The following ATP6V0A4 variants were observed in gnomAD, a reference collection of about 807,000 sequenced individuals.
ATP6V0A4 encodes the protein ATPase H+ transporting V0 subunit a4.
A neutral mutation model predicts 107.3 loss-of-function variants in ATP6V0A4; 86 were observed. That is an observed-to-expected ratio of 0.80 (90% CI 0.67 to 0.96). The LOEUF (loss-of-function observed/expected upper bound fraction) is 0.96, where lower values mean the gene tolerates loss of function less well. Among genes scored for constraint, ATP6V0A4 ranks in the 40% least tolerant of loss-of-function variants. ATP6V0A4 has a pLI of 0.00. For synonymous variants in ATP6V0A4, 353 were observed against 381.4 expected (o/e 0.93, Z 0.87); for missense variants, 908 against 1,045.6 (o/e 0.87, Z 1.81).
intron 5 of ATP6V0A4, among the ~76,000 whole-genome samples, chr7:138,764,350 C>T (rs185241572): frequency 5.3e-5 from 8 of 152,038 alleles, no homozygotes; most frequent in Non-Finnish European, 8.8e-5. Context: ...TTATACCTTA[C>T]ATGTTTTATA....
Position 138,773,030 on chromosome 7 carries a change from A to T in ATP6V0A4, c.-17-1766T>A, listed in dbSNP as rs1807474024. 6.6e-6 allele frequency among the ~76,000 whole-genome samples: 1 copy of T among 152,094 alleles called. No individual in the cohort carries two copies. Among genetic ancestry groups the T allele is most frequent in the Admixed American group, 6.6e-5 (1 of 15,264 alleles). ...CCGACGGCCCTACTGCTGCCAAATC[A>T]CACTTTTTCCCCCCAGGTCAACCTT... On this transcript the variant is annotated intron_variant, in intron 2 of 21. Coordinates refer to ENST00000310018, the MANE Select transcript of ATP6V0A4 (RefSeq NM_020632.3). This position sits in a 1 kb window ranked among gnomAD's most constrained non-coding sequence, Gnocchi z 5.4.
At chr7:138,779,092 G>C (rs1236353306) in intron 2 of ATP6V0A4, among the ~76,000 whole-genome samples, 1 of 152,174 alleles carries the variant, frequency 6.6e-6, no homozygotes, top group Non-Finnish European at 1.5e-5. Flanking sequence ...TATAATCCCA[G>C]CATTTTGGGA....
chr7:138,706,835 A>AAGGG, intron 21 of ATP6V0A4, 118 bp from the exon 22 acceptor site: 2 of 1,524,922 alleles, frequency 1.3e-6, no homozygotes, highest in Non-Finnish European at 1.8e-6. Context: ...ACAAAGTCAG[A>AAGGG]AGGGTTGGCC....
chr7:138,745,051 C>T (rs1805841118), intron 14 of ATP6V0A4, 72 bp downstream of exon 14: 2 of 1,406,468 alleles, frequency 1.4e-6, no homozygotes, highest in Admixed American at 1.7e-5. Flanking sequence ...TGTAGACTCC[C>T]CCAACCATGA....
chr7:138,743,912 A>T (rs939041824), intron 14 of ATP6V0A4, among the ~76,000 whole-genome samples: 3 of 152,144 alleles, frequency 2.0e-5, no homozygotes, highest in Admixed American at 6.5e-5. Context: ...TGTTCACTTC[A>T]CAGTCCCCTC....
At chr7:138,743,612 A>C (rs1805752188) in intron 14 of ATP6V0A4, among the ~76,000 whole-genome samples, 1 of 152,204 alleles carries the variant, frequency 6.6e-6, no homozygotes. Flanking sequence ...AGACCCGTGA[A>C]GTCCCTTCCT....
intron 14 of ATP6V0A4, among the ~76,000 whole-genome samples, chr7:138,744,461 C>T (rs1455669479): frequency 2.0e-5 from 3 of 152,062 alleles, no homozygotes; most frequent in Non-Finnish European, 2.9e-5. Context: ...TGGTCTCGAA[C>T]TCCTGAACTC....
chr7:138,762,623 A>G lies in ATP6V0A4; in HGVS notation c.418-189T>C, dbSNP rs368650034. The G allele has an allele frequency of 1.5e-4, 97 of 654,060 alleles. No individual in the cohort carries two copies. The East Asian group carries it at 6.9e-3, about 47-fold the overall frequency. 40.5% of individuals were successfully genotyped at this position (654,060 alleles called of 1,614,324 possible). A position where few individuals can be genotyped will look rare whatever the true frequency, so the allele number is the denominator to read the frequency against. ...CTGGTCTTTTCCTACCAAAACCCTA[A>G]AACTTCTCAAACCAACTGCTGTGCT... On this transcript the variant is annotated intron_variant, in intron 6 of 21. Transcript: ENST00000310018.
At chr7:138,746,521 T>A (rs1805958271) in intron 13 of ATP6V0A4, among the ~76,000 whole-genome samples, 1 of 151,726 alleles carries the variant, frequency 6.6e-6, no homozygotes, top group South Asian at 2.1e-4. Context: ...TTTTTTTTTT[T>A]AAGATGGAGT....
intron 5 of ATP6V0A4, among the ~76,000 whole-genome samples, chr7:138,767,857 T>TA (rs1460535054): frequency 6.6e-6 from 1 of 152,186 alleles, no homozygotes; most frequent in Non-Finnish European, 1.5e-5. Flanking sequence ...ATCTGCTCTA[T>TA]AAGCCCTTGG....
At chr7:138,780,388 G>A (rs1379637139) in intron 2 of ATP6V0A4, among the ~76,000 whole-genome samples, 3 of 152,168 alleles carry the variant, frequency 2.0e-5, no homozygotes, top group African/African-American at 4.8e-5. Flanking sequence ...AGGAGGTGGA[G>A]GCTCAGGTGG....
At chr7:138,731,388 G>T (rs1259210048) in intron 17 of ATP6V0A4, among the ~76,000 whole-genome samples, 1 of 152,178 alleles carries the variant, frequency 6.6e-6, no homozygotes, top group Non-Finnish European at 1.5e-5. Context: ...AGGGCAGCTG[G>T]CCTTGTGGAA....
chr7:138,715,839 T>A lies in ATP6V0A4; in HGVS notation c.2182A>T (p.Ile728Phe). ...DVFVHQAIHTIEYCLGCISNT... is the reference protein window; with the variant it reads ...DVFVHQAIHTFEYCLGCISNT... The stretch of plus-strand genomic sequence containing the variant: ...GAAATGCAGCCCAGGCAGTACTCGA[T>A]GGTGTGGATGGCTTGGTGGACAAAG... Residue 728 changes from isoleucine to phenylalanine, a missense_variant, in exon 20 of 22, where the codon ATC becomes TTC. Coordinates refer to ENST00000310018, the MANE Select transcript of ATP6V0A4 (RefSeq NM_020632.3). 1 of 1,613,704 alleles carries A rather than the reference T, an allele frequency of 6.2e-7. No homozygotes were observed. Among genetic ancestry groups the A allele is most frequent in the African/African-American group, 1.3e-5 (1 of 75,024 alleles).
rs146482568 is a variant in ATP6V0A4, at chr7:138,759,868, C to T, written c.523G>A (p.Gly175Ser). 7.4e-6 allele frequency: 12 copies of T among 1,614,030 alleles called. No individual in the cohort carries two copies. Among genetic ancestry groups the T allele is most frequent in the South Asian group, 4.4e-5 (4 of 91,076 alleles). ...YMTGKLGFIA[G>S]VINRERMASF... is the part of the protein sequence containing the mutation. ...GCCATCCTCTCCCTGTTGATCACAC[C>T]GGCTATGAACCTAGGCAGCCAGAAG... Residue 175 changes from glycine to serine, a missense_variant, in exon 8 of 22, where the codon GGT (glycine) becomes AGT (serine). Gly to Ser is a moderately conservative substitution (Grantham distance 56, BLOSUM62 0). Coordinates refer to ENST00000310018, the MANE Select transcript of ATP6V0A4 (RefSeq NM_020632.3).
chr7:138,792,624 G>A (rs1563025137), intron 1 of ATP6V0A4, among the ~76,000 whole-genome samples: 1 of 152,008 alleles, frequency 6.6e-6, no homozygotes, highest in Non-Finnish European at 1.5e-5. Flanking sequence ...TAGAGACAGG[G>A]TCTCACTCTG....
chr7:138,771,352 C>T, intron 2 of ATP6V0A4, 88 bp from the exon 3 acceptor site: 2 of 1,409,376 alleles, frequency 1.4e-6, no homozygotes, highest in Non-Finnish European at 1.9e-6. Context: ...AAATTAAAAT[C>T]TAACAGGGAA....
In ATP6V0A4 at chr7:138,771,190, C is replaced by T. The variant is rs755114471; in HGVS notation, c.58G>A (p.Glu20Lys). ...MCLSQLFLQV[E>K]AAYCCVAELG... ...TCAGCCACACAGCAATATGCAGCTT[C>T]CACCTGGAGAAACAGTTGTGACAAA... is the stretch of plus-strand genomic sequence containing the variant. Residue 20 changes from glutamate (E) to lysine (K), a missense_variant, in exon 3 of 22, where the codon GAA (glutamate) becomes AAA (lysine). Transcript: ENST00000310018. 1 of 1,614,174 alleles carries T rather than the reference C, an allele frequency of 6.2e-7. No homozygotes were observed. The highest frequency in any genetic ancestry group is 1.7e-5 in the Admixed American group (1 of 60,012).
chr7:138,785,543 C>G (rs1808140633), intron 2 of ATP6V0A4, among the ~76,000 whole-genome samples: 1 of 152,056 alleles, frequency 6.6e-6, no homozygotes, highest in African/African-American at 2.4e-5. Flanking sequence ...TTCCAAAGTA[C>G]TGGGATTATA....
chr7:138,777,124 A>T (rs969280405), intron 2 of ATP6V0A4, among the ~76,000 whole-genome samples: 3 of 150,046 alleles, frequency 2.0e-5, no homozygotes, highest in African/African-American at 7.4e-5. Flanking sequence ...ACTCCAGCCT[A>T]AAAGACACAG....
Sources: gnomAD v4.1 joint callset for allele counts (sites outside exome capture counted in the v4.1 genomes callset) on GRCh38, gnomAD v4.1.1 for gene constraint, Gnocchi (gnomAD v3.1) non-coding constraint, MANE v1.5 for transcripts, NCBI Gene and HGNC (gene_info 2026-07-23, HGNC 2026-07-21) for gene names.